ARL10: variants seen among roughly 807,000 people sequenced by gnomAD.
The protein encoded by ARL10 is ADP-ribosylation factor-like protein 10.
A neutral mutation model predicts 26.1 loss-of-function variants in ARL10; 23 were observed. The observed-to-expected ratio is 0.88, with a 90% confidence interval of 0.63 to 1.25. ARL10 has a LOEUF of 1.25. Ranked by LOEUF, ARL10 falls within the 50% of genes most tolerant of loss-of-function variation. ARL10 has a pLI of 0.00. For synonymous variants in ARL10, 138 were observed against 149.1 expected, an observed-to-expected ratio of 0.93 and a Z score of 0.54; for missense variants, 300 against 323.6, an observed-to-expected ratio of 0.93 and a Z score of 0.56.
At chr5:176,384,331 T>C (rs768963656), downstream of ARL10, 1 of 1,614,166 alleles carries the variant, frequency 6.2e-7, no homozygotes, top group Admixed American at 1.7e-5. Flanking sequence ...CCGAATCTGT[T>C]TTGGGGTATC....
downstream of ARL10, chr5:176,393,067 CT>C (rs1309150767): frequency 2.6e-6 from 3 of 1,137,758 alleles, no homozygotes; most frequent in Non-Finnish European, 3.9e-6. This position sits in a 1 kb window ranked among gnomAD's most constrained non-coding sequence, Gnocchi z 4.4. Context: ...TTGTGCCCCC[CT>C]GACTTCAGAG....
the ARL10 span, among the ~76,000 whole-genome samples, chr5:176,409,025 G>A: frequency 6.6e-6 from 1 of 152,106 alleles, no homozygotes; most frequent in African/African-American, 2.4e-5. Flanking sequence ...TGCCCAGGCT[G>A]GAGTGCAGTG....
downstream of ARL10, chr5:176,393,033 TG>T: frequency 7.0e-7 from 1 of 1,424,356 alleles, no homozygotes; most frequent in Non-Finnish European, 9.8e-7. The surrounding 1 kb of genome is among the most constrained non-coding windows in gnomAD (Gnocchi z 4.4). Context: ...CAGCCTACTC[TG>T]GGGCACTGTG....
rs1768568652 is a variant in ARL10, at chr5:176,372,219, C to T, written c.*324C>T. On this transcript the variant is annotated 3_prime_UTR_variant, in exon 4 of 4. Coordinates refer to ENST00000310389, the MANE Select transcript of ARL10 (RefSeq NM_173664.6). ...GCTCAGTGGGCTCAATCCTCCACTA[C>T]AGGTCCCGGTACCTGAGGAACCAGT... 2 of 514,406 alleles carry T rather than the reference C, an allele frequency of 3.9e-6. No individual in the cohort carries two copies. Among genetic ancestry groups the T allele is most frequent in the East Asian group, 6.9e-5 (1 of 14,598 alleles). 31.9% of individuals were successfully genotyped at this position (514,406 alleles called of 1,614,324 possible).
Position 176,373,377 on chromosome 5 carries a change from G to A in ARL10, c.*1482G>A. On this transcript the variant is annotated 3_prime_UTR_variant, in exon 4 of 4. Transcript: ENST00000310389. Reference sequence around the variant, plus strand: ...ACTTATTATCGGTACAGGCAAAGAGGAGCCTGTTGTCTGTTAGGGACCACT... The same window carrying A: ...ACTTATTATCGGTACAGGCAAAGAGAAGCCTGTTGTCTGTTAGGGACCACT... 1 of 256,128 alleles carries A rather than the reference G, an allele frequency of 3.9e-6. No individual in the cohort carries two copies. Among genetic ancestry groups the A allele is most frequent in the Non-Finnish European group, 7.3e-6 (1 of 136,222 alleles). The allele number at this position is 256,128 out of a possible 1,614,324, so 15.9% of individuals were successfully genotyped here.
the ARL10 span, among the ~76,000 whole-genome samples, chr5:176,410,082 C>T: frequency 2.6e-5 from 4 of 152,220 alleles, no homozygotes; most frequent in Non-Finnish European, 5.9e-5. Flanking sequence ...ATTCTTCTTC[C>T]CTGCCCTCTA....
downstream of ARL10, chr5:176,388,722 TACAAG>T (rs1756108291): frequency 6.6e-7 from 1 of 1,520,980 alleles, no homozygotes. Flanking sequence ...TGCGCCTGCG[TACAAG>T]GCTCAATTTA....
chr5:176,366,327 G>T lies in ARL10; in HGVS notation c.184-53G>T, dbSNP rs887361255. ...TCTGGTGCCTTCGGTCTTCCCTCGG[G>T]AAAGGTCCTTCGGGAGGCCGCCAGC... On this transcript the variant is annotated intron_variant, in intron 1 of 3. Coordinates refer to ENST00000310389, the MANE Select transcript of ARL10 (RefSeq NM_173664.6). 203 of 1,547,056 alleles carry T rather than the reference G, an allele frequency of 1.3e-4. 2 individuals carry two copies. The highest frequency in any genetic ancestry group is 2.3e-4 in the Middle Eastern group (1 of 4,354).
chr5:176,370,573 A>G (rs1768499685), intron 3 of ARL10, among the ~76,000 whole-genome samples: 1 of 152,170 alleles, frequency 6.6e-6, no homozygotes, highest in Non-Finnish European at 1.5e-5. Context: ...TTTCTGTCCA[A>G]GACAGTCCCC....
downstream of ARL10, among the ~76,000 whole-genome samples, chr5:176,391,599 G>A (rs1210627265): frequency 5.3e-5 from 8 of 152,190 alleles, no homozygotes; most frequent in African/African-American, 1.4e-4. Context: ...GTGATAAAGC[G>A]AGACCCTGTT....
chr5:176,406,400 C>T, downstream of ARL10: 1 of 1,153,528 alleles, frequency 8.7e-7, no homozygotes, highest in South Asian at 1.7e-5. Context: ...TGTGGACCCA[C>T]ACCAGCCAAG....
downstream of ARL10, chr5:176,389,404 G>A (rs1355399328): frequency 6.2e-7 from 1 of 1,614,190 alleles, no homozygotes; most frequent in Non-Finnish European, 8.5e-7. Context: ...AGCGCTCTCA[G>A]CTCATGATGC....
chr5:176,367,002 C>T lies in ARL10; in HGVS notation c.385+421C>T, dbSNP rs940051802. Among the ~76,000 whole-genome samples, 101 of 106,536 alleles carry T rather than the reference C, an allele frequency of 9.5e-4. 1 individual carries two copies. Among genetic ancestry groups the T allele is most frequent in the African/African-American group, 3.6e-3 (90 of 25,072 alleles). 69.9% of individuals were successfully genotyped at this position (106,536 alleles called of 152,430 possible). ...ATCCAAGGTCACCCACCTTTCTAGT[C>T]TTTTTTTTTTTTTTTTTTTTTTTGA... On this transcript the variant is annotated intron_variant, in intron 2 of 3. Coordinates refer to ENST00000310389, the MANE Select transcript of ARL10 (RefSeq NM_173664.6).
downstream of ARL10, among the ~76,000 whole-genome samples, chr5:176,391,701 G>A (rs973617747): frequency 2.0e-5 from 3 of 152,236 alleles, no homozygotes; most frequent in African/African-American, 7.2e-5. Flanking sequence ...GGGCAGGATT[G>A]GGGTGATGCG....
downstream of ARL10, chr5:176,384,269 G>A (rs781413892): frequency 1.3e-5 from 21 of 1,614,108 alleles, no homozygotes; most frequent in Non-Finnish European, 1.8e-5. Context: ...AAAGAATCGA[G>A]GAAGTCTTGC....
chr5:176,413,282 G>A, the ARL10 span, among the ~76,000 whole-genome samples: 1 of 152,246 alleles, frequency 6.6e-6, no homozygotes. Context: ...TTGGAACAAG[G>A]GCAGAGAGGG....
At chr5:176,408,490 C>T in the ARL10 span, among the ~76,000 whole-genome samples, 2 of 150,424 alleles carry the variant, frequency 1.3e-5, no homozygotes, top group African/African-American at 2.4e-5. Context: ...GAGCCGAGAT[C>T]GTGCCATTGC....
downstream of ARL10, chr5:176,384,574 C>T (rs982060437): frequency 1.9e-4 from 113 of 593,286 alleles, 1 homozygote; most frequent in Admixed American, 9.7e-5. Flanking sequence ...ATCTCTTGAG[C>T]CCAGGAGTTC....
At chr5:176,410,393 T>C in the ARL10 span, 1 of 1,015,684 alleles carries the variant, frequency 9.8e-7, no homozygotes, top group Non-Finnish European at 1.5e-6. Context: ...ACCCAAACTC[T>C]GTGTATACCC....
Sources: allele counts gnomAD v4.1 joint callset (sites outside exome capture counted in the v4.1 genomes callset), GRCh38; gene constraint gnomAD v4.1.1; non-coding constraint Gnocchi (gnomAD v3.1); transcripts MANE v1.5; gene names NCBI Gene and HGNC (gene_info 2026-07-23, HGNC 2026-07-21).